The following PRTFDC1 variants were observed in gnomAD, a reference collection of about 807,000 sequenced individuals.
PRTFDC1 encodes phosphoribosyltransferase domain-containing protein 1.
Under a neutral mutation model 34.6 loss-of-function variants are expected in PRTFDC1, and 38 were observed. The observed-to-expected ratio is 1.10, with a 90% CI of 0.85 to 1.44. The LOEUF (loss-of-function observed/expected upper bound fraction) is 1.44, where lower values mean the gene tolerates loss of function less well. PRTFDC1 is among the 40% of genes most tolerant of loss of function. The probability of loss-of-function intolerance (pLI) is 0.00; values close to 1 mark genes in which losing one functional copy is unlikely to be tolerated. For missense variants in PRTFDC1, 270 were observed against 283.0 expected (o/e 0.95, Z 0.33); for synonymous variants, 93 against 98.1 (o/e 0.95, Z 0.31).
intron 3 of PRTFDC1, among the ~76,000 whole-genome samples, chr10:24,925,979 C>A (rs1486253303): frequency 6.6e-6 from 1 of 152,176 alleles, no homozygotes; most frequent in Non-Finnish European, 1.5e-5. Context: ...CTGGATTTGT[C>A]CCTTGTCCTG....
rs763173069 is a variant in PRTFDC1, at chr10:24,895,342, C to G, written c.340-23279G>C. On this transcript the variant is annotated intron_variant, in intron 3 of 8. Transcript: ENST00000320152. ...TCTTGGCTCACTGCAACCTCTGCCC[C>G]CTGGGTTCAAGACATTCTCCTGCCT... 7.5e-5 allele frequency among the ~76,000 whole-genome samples: 11 copies of G among 147,302 alleles called. 1 individual carries two copies. The East Asian group carries it at 2.2e-3, about 30-fold the overall frequency.
intron 3 of PRTFDC1, among the ~76,000 whole-genome samples, chr10:24,889,691 A>G (rs1588594763): frequency 6.6e-6 from 1 of 152,322 alleles, no homozygotes; most frequent in East Asian, 1.9e-4. Context: ...AGACATGAAC[A>G]CTGTGGAAGA....
At position 24,871,630 on chromosome 10, in the gene PRTFDC1, G is replaced by C. The variant is rs149617464; in HGVS notation, c.405+368C>G. On this transcript the variant is annotated intron_variant, in intron 4 of 8. Coordinates refer to ENST00000320152, the MANE Select transcript of PRTFDC1 (RefSeq NM_020200.7). Reference sequence around the variant, plus strand: ...TGTAAATGTCTTACTGACGTGCCTGGGTGCAGAGGATGGATGAAAAAAAAA... The same window carrying C: ...TGTAAATGTCTTACTGACGTGCCTGCGTGCAGAGGATGGATGAAAAAAAAA... Among the ~76,000 whole-genome samples the C allele has an allele frequency of 5.0e-4, 76 of 151,000 alleles. No homozygotes were observed. In the Middle Eastern group the frequency reaches 0.014, roughly 27 times the overall value.
chr10:24,850,733 A>G (rs750992492), intron 8 of PRTFDC1, among the ~76,000 whole-genome samples: 2 of 152,174 alleles, frequency 1.3e-5, no homozygotes, highest in African/African-American at 2.4e-5. Context: ...GAAGGCAGGA[A>G]CAAGGGCAGC....
intron 3 of PRTFDC1, among the ~76,000 whole-genome samples, chr10:24,912,770 A>G (rs1243465956): frequency 1.3e-5 from 2 of 152,136 alleles, no homozygotes; most frequent in Non-Finnish European, 1.5e-5. Context: ...AAATGTATCC[A>G]GAATCTGACA....
intron 1 of PRTFDC1, among the ~76,000 whole-genome samples, chr10:24,943,210 G>C (rs372224409): frequency 6.6e-6 from 1 of 151,820 alleles, no homozygotes; most frequent in African/African-American, 2.4e-5. Context: ...TTAAAAGTAC[G>C]TATCTCCTGG....
In PRTFDC1 at chr10:24,868,577, G is replaced by A. The variant is rs149715128; in HGVS notation, c.405+3421C>T. On this transcript the variant is annotated intron_variant, in intron 4 of 8. Transcript: ENST00000320152. ...ACCCACCTTAGCCTCCTGAGTAGCT[G>A]AGTCTACAGGTGTGCACCACCATTT... 7.6e-3 allele frequency among the ~76,000 whole-genome samples: 1,152 copies of A among 152,244 alleles called. 10 individuals are homozygous for A. Among genetic ancestry groups the A allele is most frequent in the African/African-American group, 0.027 (1,116 of 41,544 alleles).
intron 3 of PRTFDC1, among the ~76,000 whole-genome samples, chr10:24,903,003 C>T (rs191960731): frequency 1.3e-5 from 2 of 152,214 alleles, no homozygotes; most frequent in Admixed American, 1.3e-4. Flanking sequence ...TCGAGACTAG[C>T]CTGGCCAACA....
At chr10:24,910,116 G>A (rs767558083) in intron 3 of PRTFDC1, among the ~76,000 whole-genome samples, 4 of 152,118 alleles carry the variant, frequency 2.6e-5, no homozygotes, top group Non-Finnish European at 4.4e-5. Flanking sequence ...AGCCGAAATC[G>A]TGCCACTGCA....
intron 1 of PRTFDC1, among the ~76,000 whole-genome samples, chr10:24,948,858 A>G (rs1325642383): frequency 6.6e-6 from 1 of 152,240 alleles, no homozygotes; most frequent in African/African-American, 2.4e-5. Context: ...TCACATAGCC[A>G]GACCAGTCCT....
rs755903458 is a variant in PRTFDC1, at chr10:24,855,197, C to T, written c.553+121G>A. On this transcript the variant is annotated intron_variant, in intron 7 of 8. Transcript: ENST00000320152. The stretch of plus-strand genomic sequence containing the variant: ...GGAATCCGTGGGACTATCAGCCCTA[C>T]ACAGTTTCAAATCCACATGCAATGC... The T allele has an allele frequency of 2.4e-4, 225 of 948,278 alleles. 1 individual carries two copies. Among genetic ancestry groups the T allele is most frequent in the Non-Finnish European group, 3.5e-4 (218 of 623,952 alleles). 58.7% of individuals were successfully genotyped at this position (948,278 alleles called of 1,614,324 possible). A position where few individuals can be genotyped will look rare whatever the true frequency, so the allele number is the denominator to read the frequency against.
intron 3 of PRTFDC1, among the ~76,000 whole-genome samples, chr10:24,916,259 C>T (rs563931046): frequency 2.0e-5 from 3 of 152,332 alleles, no homozygotes; most frequent in African/African-American, 7.2e-5. Context: ...CGTTATCTCT[C>T]ACTGCAATTA....
At position 24,942,804 on chromosome 10, in the gene PRTFDC1, C is replaced by T. The variant is rs150166571; in HGVS notation, c.49-368G>A. The stretch of plus-strand genomic sequence containing the variant: ...CTGGGACTACAGGCATGTGCCACTA[C>T]GCCCAGATAATTTCTGTATTTTCAG... On this transcript the variant is annotated intron_variant, in intron 1 of 8. Transcript: ENST00000320152. 2.2e-4 allele frequency among the ~76,000 whole-genome samples: 34 copies of T among 152,236 alleles called. No individual in the cohort carries two copies. In the East Asian group the frequency reaches 2.3e-3, roughly 10 times the overall value.
chr10:24,900,192 A>G (rs923271338), intron 3 of PRTFDC1, among the ~76,000 whole-genome samples: 1 of 152,230 alleles, frequency 6.6e-6, no homozygotes, highest in Non-Finnish European at 1.5e-5. Flanking sequence ...GATTGGGAGA[A>G]CTTAAGTAAC....
At chr10:24,882,825 AC>A (rs1413735801) in intron 3 of PRTFDC1, among the ~76,000 whole-genome samples, 5 of 151,706 alleles carry the variant, frequency 3.3e-5, no homozygotes, top group African/African-American at 9.7e-5. Context: ...TGTTAAAAAA[AC>A]AAATAAAAAA....
intron 3 of PRTFDC1, among the ~76,000 whole-genome samples, chr10:24,931,260 TTA>T (rs1848966645): frequency 1.3e-5 from 2 of 152,108 alleles, no homozygotes; most frequent in Admixed American, 1.3e-4. Context: ...ACTTACAGCA[TTA>T]TATGTTTGTA....
At chr10:24,857,118 C>T (rs1847592663) in intron 5 of PRTFDC1, 123 bp from the exon 6 acceptor site, 2 of 836,482 alleles carry the variant, frequency 2.4e-6, no homozygotes, top group African/African-American at 3.4e-5. Flanking sequence ...AATTTGGAGC[C>T]ACAGTAGGAG....
chr10:24,879,112 A>C (rs1012742447), intron 3 of PRTFDC1, among the ~76,000 whole-genome samples: 1 of 152,210 alleles, frequency 6.6e-6, no homozygotes, highest in African/African-American at 2.4e-5. Flanking sequence ...GATTTTTTTC[A>C]AAACTCTGAG....
intron 3 of PRTFDC1, among the ~76,000 whole-genome samples, chr10:24,906,003 T>C (rs1324119489): frequency 6.6e-6 from 1 of 152,072 alleles, no homozygotes; most frequent in Admixed American, 6.6e-5. Context: ...ACATGCAAAG[T>C]TTGTCTTTCT....
Sources: allele counts gnomAD v4.1 joint callset (sites outside exome capture counted in the v4.1 genomes callset), GRCh38; gene constraint gnomAD v4.1.1; transcripts MANE v1.5; gene names NCBI Gene and HGNC (gene_info 2026-07-23, HGNC 2026-07-21).